Variants in NQO2 observed in about 807,000 individuals in gnomAD.
NQO2 encodes the protein ribosyldihydronicotinamide dehydrogenase [quinone].
A neutral mutation model predicts 22.0 loss-of-function variants in NQO2; 18 were observed. The ratio of observed to expected loss-of-function variants is 0.82; its 90% CI spans 0.56 to 1.21. The LOEUF (loss-of-function observed/expected upper bound fraction) is 1.21. Among genes scored for constraint, NQO2 ranks in the 50% most tolerant of loss-of-function variants. The pLI is 0.00. For synonymous variants in NQO2, 106 were observed against 110.8 expected (o/e 0.96, Z 0.28); for missense variants, 267 against 286.9 (o/e 0.93, Z 0.50).
Position 3,006,495 on chromosome 6 carries a change from C to T in NQO2, c.-58C>T, listed in dbSNP as rs750664787. 1.6e-5 allele frequency: 26 copies of T among 1,612,084 alleles called. No homozygotes were observed. Among genetic ancestry groups the T allele is most frequent in the Middle Eastern group, 1.6e-4 (1 of 6,078 alleles). On this transcript the variant is annotated 5_prime_UTR_variant, in exon 2 of 7. It adds an upstream start codon to the 5' untranslated region. Transcript: ENST00000380455. This position sits in a 1 kb window ranked among gnomAD's most constrained non-coding sequence, Gnocchi z 4.0. ...TGCTGGACTCGCTGAAGAGAGACTA[C>T]GCAGGAAAGCCCCAGCCACCCATCA...
intron 1 of NQO2, chr6:3,005,513 A>T (rs1166617035): frequency 6.6e-6 from 2 of 302,514 alleles, no homozygotes; most frequent in African/African-American, 4.5e-5. Flanking sequence ...GCATCTTTTC[A>T]TGGCTTACTG....
chr6:3,001,951 A>C (rs190290629), intron 1 of NQO2: 1 of 152,336 alleles, frequency 6.6e-6, no homozygotes, highest in East Asian at 1.9e-4. Context: ...GTCTTTCCCC[A>C]CTATTTCAAA....
At position 3,010,090 on chromosome 6, in the gene NQO2, G is replaced by A. The variant is rs1757092211; in HGVS notation, c.73G>A (p.Val25Met). The change falls in exon 3 of 7, where the codon GTG becomes ATG. Residue 25 changes from valine to methionine, a missense_variant. Val to Met is a conservative substitution (Grantham distance 21). Coordinates refer to ENST00000380455, the MANE Select transcript of NQO2 (RefSeq NM_000904.6). ...PKSFNGSLKN[V>M]AVDELSRQGC... The stretch of plus-strand genomic sequence containing the variant: ...GTCTTTCAACGGATCCTTGAAGAAT[G>A]TGGCTGTAGATGAACTGAGCAGGCA... The A allele has an allele frequency of 1.2e-6, 2 of 1,614,008 alleles. No homozygotes were observed. Among genetic ancestry groups the A allele is most frequent in the Admixed American group, 1.7e-5 (1 of 59,994 alleles).
intron 1 of NQO2, chr6:3,005,580 T>G (rs1361842326): frequency 4.4e-6 from 4 of 916,810 alleles, no homozygotes; most frequent in Non-Finnish European, 2.6e-6. Flanking sequence ...ATTTTTGCAT[T>G]GAGTTGTTTG....
At chr6:3,005,928 G>T (rs1396103382) in intron 1 of NQO2, 2 of 481,092 alleles carry the variant, frequency 4.2e-6, no homozygotes, top group African/African-American at 2.1e-5. Flanking sequence ...TGATGCGGGG[G>T]TCTCCTCTGC....
At chr6:3,005,106 A>C (rs1312272166) in intron 1 of NQO2, among the ~76,000 whole-genome samples, 1 of 151,950 alleles carries the variant, frequency 6.6e-6, no homozygotes, top group Non-Finnish European at 1.5e-5. Context: ...CATTTTAGCC[A>C]CTTTTAAGGG....
At chr6:3,008,116 A>G (rs78148960) in intron 2 of NQO2, among the ~76,000 whole-genome samples, 2,797 of 152,330 alleles carry the variant, frequency 0.018, 87 homozygotes, top group African/African-American at 0.064. Context: ...GCCACCTATT[A>G]GAAAGTTTGG....
At chr6:3,009,715 G>A (rs1757079136) in intron 2 of NQO2, among the ~76,000 whole-genome samples, 1 of 152,086 alleles carries the variant, frequency 6.6e-6, no homozygotes, top group African/African-American at 2.4e-5. Context: ...GCTCCATTCG[G>A]GGTCCCTGAC....
chr6:3,008,337 T>C (rs902986577), intron 2 of NQO2, among the ~76,000 whole-genome samples: 1 of 151,226 alleles, frequency 6.6e-6, no homozygotes, highest in Non-Finnish European at 1.5e-5. Context: ...GAGAATTGCT[T>C]GAACCCGGGA....
chr6:3,013,410 T>C (rs1757216784), intron 4 of NQO2, among the ~76,000 whole-genome samples: 1 of 152,194 alleles, frequency 6.6e-6, no homozygotes, highest in African/African-American at 2.4e-5. Flanking sequence ...GCCAGTCTTG[T>C]TGCTTCCCTT....
Position 3,018,385 on chromosome 6 carries a change from G to A in NQO2, c.520-1094G>A, listed in dbSNP as rs537788621. 4.6e-5 allele frequency among the ~76,000 whole-genome samples: 7 copies of A among 152,248 alleles called. No homozygotes were observed. The East Asian group carries it at 1.4e-3, about 29-fold the overall frequency. On this transcript the variant is annotated intron_variant, in intron 6 of 6. Transcript: ENST00000380455. ...CCGAGTGTGGTGGCGGACACCTGTA[G>A]TCCCAGCTACTTGGGAGGCTGAGGC...
chr6:3,005,575 TG>T, intron 1 of NQO2: 1 of 879,748 alleles, frequency 1.1e-6, no homozygotes, highest in Non-Finnish European at 1.4e-6. Context: ...TGCCCATTTT[TG>T]CATTGAGTTG....
chr6:3,016,668 C>T lies in NQO2; in HGVS notation c.418-216C>T, dbSNP rs140621223. On this transcript the variant is annotated intron_variant, in intron 5 of 6. Coordinates refer to ENST00000380455, the MANE Select transcript of NQO2 (RefSeq NM_000904.6). ...CACCAGCAACCTGGGCATGTTAGAG[C>T]TTCTGTGTCTGCTTGGTCCATTCAC... The T allele has an allele frequency of 1.4e-3, 1,119 of 816,666 alleles. 15 individuals carry two copies. The African/African-American group carries it at 0.016, about 12-fold the overall frequency. 50.6% of individuals were successfully genotyped at this position (816,666 alleles called of 1,614,324 possible).
chr6:3,010,952 G>GAA (rs35198315), intron 3 of NQO2, among the ~76,000 whole-genome samples: 2,147 of 148,952 alleles, frequency 0.014, 34 homozygotes, highest in South Asian at 0.066. Context: ...CTTAGTAGAG[G>GAA]AAAAAAAAAA....
rs1043668240 is a variant in NQO2 at position 3,013,202 on chromosome 6, G to A, written c.303+528G>A. ...GATCTCCTGACCTCGTGATCCACCCGCCTCGGCCTCCCAAAGTGCTGGGAT... is the reference window on the plus strand; with the variant it reads ...GATCTCCTGACCTCGTGATCCACCCACCTCGGCCTCCCAAAGTGCTGGGAT... On this transcript the variant is annotated intron_variant, in intron 4 of 6. Transcript: ENST00000380455. 5.3e-5 allele frequency among the ~76,000 whole-genome samples: 8 copies of A among 151,264 alleles called. No homozygotes were observed. The East Asian group carries it at 7.8e-4, about 15-fold the overall frequency.
At chr6:3,000,267 A>G (rs1304954015) in intron 1 of NQO2, 182 bp downstream of exon 1, 5 of 152,200 alleles carry the variant, frequency 3.3e-5, no homozygotes, top group Non-Finnish European at 5.9e-5. Context: ...GCCCACACGC[A>G]GGGTCCCGGT....
chr6:3,014,894 C>G (rs773756308), intron 4 of NQO2, among the ~76,000 whole-genome samples: 1 of 152,148 alleles, frequency 6.6e-6, no homozygotes, highest in East Asian at 1.9e-4. Flanking sequence ...AGCAGCAGGT[C>G]GTGGAGCTTG....
intron 2 of NQO2, among the ~76,000 whole-genome samples, chr6:3,009,011 G>C (rs1757051966): frequency 6.6e-6 from 1 of 152,188 alleles, no homozygotes; most frequent in Admixed American, 6.5e-5. Flanking sequence ...TTGTCATTGA[G>C]AACATCTTAT....
intron 1 of NQO2, among the ~76,000 whole-genome samples, chr6:3,002,873 C>T (rs1306116244): frequency 6.6e-6 from 1 of 152,062 alleles, no homozygotes; most frequent in Admixed American, 6.6e-5. Flanking sequence ...CTAATCTCAG[C>T]CCCCTGAGTA....
Sources: allele counts gnomAD v4.1 joint callset (sites outside exome capture counted in the v4.1 genomes callset), GRCh38; gene constraint gnomAD v4.1.1; non-coding constraint Gnocchi (gnomAD v3.1); transcripts MANE v1.5; gene names NCBI Gene and HGNC (gene_info 2026-07-23, HGNC 2026-07-21).